The following ATP8A2 variants were observed in gnomAD, a reference collection of about 807,000 sequenced individuals.
The protein encoded by ATP8A2 is ATPase phospholipid transporting 8A2, also known as phospholipid-transporting ATPase IB.
ATP8A2 carries 100 observed loss-of-function variants against 165.6 expected under a neutral mutation model. The ratio of observed to expected loss-of-function variants is 0.60; its 90% confidence interval spans 0.51 to 0.71. The LOEUF is 0.71. ATP8A2 is among the 30% of genes least tolerant of loss of function. ATP8A2 has a pLI of 0.00. For missense variants in ATP8A2, 1,227 were observed against 1,479.5 expected, an observed-to-expected ratio of 0.83 and a Z score of 2.80; for synonymous variants, 543 against 548.8, an observed-to-expected ratio of 0.99 and a Z score of 0.15.
chr13:26,021,536 G>C lies in ATP8A2; in HGVS notation c.*1551G>C, dbSNP rs1009931391. 6.6e-6 allele frequency: 1 copy of C among 152,224 alleles called. No homozygotes were observed. The highest frequency in any genetic ancestry group is 1.5e-5 in the Non-Finnish European group (1 of 68,074). 9.4% of individuals were successfully genotyped at this position (152,224 alleles called of 1,614,324 possible). On this transcript the variant is annotated 3_prime_UTR_variant, in exon 37 of 37. Transcript: ENST00000381655. ...AATCACTGACTTTCCCAACTGCAGA[G>C]TCCCACACTTAAATCTCAACAGAAC...
chr13:25,868,135 G>A (rs1229436023), intron 33 of ATP8A2: 1 of 456,378 alleles, frequency 2.2e-6, no homozygotes, highest in African/African-American at 2.0e-5. Flanking sequence ...AGCTTCCTCA[G>A]CCAAGGAAAT....
At position 25,413,972 on chromosome 13, in the gene ATP8A2, G is replaced by A. The variant is rs548898222; in HGVS notation, c.76+41684G>A. Among the ~76,000 whole-genome samples the A allele has an allele frequency of 1.1e-3, 167 of 151,984 alleles. 1 individual carries two copies. The highest frequency in any genetic ancestry group is 3.9e-3 in the African/African-American group (160 of 41,464). On this transcript the variant is annotated intron_variant, in intron 1 of 36. Coordinates refer to ENST00000381655, the MANE Select transcript of ATP8A2 (RefSeq NM_016529.6). ...CTTTTCCTGCCTTCATGAGGGCAGC[G>A]GAGTGAGCGTGAGGCGTGGTCAGTA... is the stretch of plus-strand genomic sequence containing the variant.
chr13:25,412,688 C>T (rs1306038031), intron 1 of ATP8A2, among the ~76,000 whole-genome samples: 1 of 152,126 alleles, frequency 6.6e-6, no homozygotes, highest in Non-Finnish European at 1.5e-5. Context: ...GAGGTAGGGG[C>T]CTAGGAAATG....
At chr13:25,897,628 GT>G (rs1953599681) in intron 33 of ATP8A2, among the ~76,000 whole-genome samples, 1 of 152,184 alleles carries the variant, frequency 6.6e-6, no homozygotes, top group Admixed American at 6.5e-5. Flanking sequence ...CCTGCAGAGT[GT>G]TTTCCAACTT....
At chr13:25,445,710 A>AT (rs1420190192) in intron 1 of ATP8A2, among the ~76,000 whole-genome samples, 5 of 152,170 alleles carry the variant, frequency 3.3e-5, no homozygotes, top group Non-Finnish European at 7.3e-5. Flanking sequence ...ATTCCTGTAG[A>AT]TGGTGGTAGA....
chr13:25,980,325 T>C (rs984676128), intron 35 of ATP8A2, among the ~76,000 whole-genome samples: 4 of 152,160 alleles, frequency 2.6e-5, no homozygotes, highest in Non-Finnish European at 5.9e-5. Context: ...CTCCTTCAGT[T>C]CACAGTGCTC....
In ATP8A2 at chr13:25,539,393, G is replaced by A. The variant is rs571511095; in HGVS notation, c.582-926G>A. Reference sequence around the variant, plus strand: ...ATCTCAAAGTGCTGGGGTTACAAGCGTGAGCCACAGTGCCCAGCCAGTTTT... The same window carrying A: ...ATCTCAAAGTGCTGGGGTTACAAGCATGAGCCACAGTGCCCAGCCAGTTTT... On this transcript the variant is annotated intron_variant, in intron 7 of 36. Transcript: ENST00000381655. Among the ~76,000 whole-genome samples, 19 of 151,042 alleles carry A rather than the reference G, an allele frequency of 1.3e-4. No homozygotes were observed. The South Asian group carries it at 2.7e-3, about 22-fold the overall frequency.
At chr13:25,805,485 C>T (rs867229064) in intron 27 of ATP8A2, among the ~76,000 whole-genome samples, 34 of 152,014 alleles carry the variant, frequency 2.2e-4, no homozygotes, top group African/African-American at 7.5e-4. Flanking sequence ...CCACTGTACT[C>T]CAGCCTGGGC....
At position 25,581,362 on chromosome 13, in the gene ATP8A2, G is replaced by T. The variant is rs549080957; in HGVS notation, c.2008-457G>T. On this transcript the variant is annotated intron_variant, in intron 22 of 36. Coordinates refer to ENST00000381655, the MANE Select transcript of ATP8A2 (RefSeq NM_016529.6). ...AGCTACCCTCAATCTTAAGATACTT[G>T]GATTTTTTTTCTCTCACTGTTAAAT... Among the ~76,000 whole-genome samples the T allele has an allele frequency of 5.9e-5, 9 of 152,242 alleles. No homozygotes were observed. The South Asian group carries it at 1.5e-3, about 25-fold the overall frequency.
At chr13:25,798,655 A>G (rs1850660612) in intron 27 of ATP8A2, among the ~76,000 whole-genome samples, 1 of 152,222 alleles carries the variant, frequency 6.6e-6, no homozygotes, top group South Asian at 2.1e-4. Context: ...GATGGTTTTT[A>G]GAAAGAAAGA....
chr13:25,974,809 G>A (rs1051031384), intron 35 of ATP8A2, among the ~76,000 whole-genome samples: 3 of 152,074 alleles, frequency 2.0e-5, no homozygotes, highest in Admixed American at 6.6e-5. Flanking sequence ...AGGTCTCGGC[G>A]TCTTCCCAGC....
chr13:25,559,633 C>A, intron 14 of ATP8A2, 88 bp from the exon 15 acceptor site: 2 of 991,262 alleles, frequency 2.0e-6, no homozygotes, highest in Non-Finnish European at 3.2e-6. Flanking sequence ...GTTTGTATAT[C>A]TAATCTAAGA....
intron 1 of ATP8A2, among the ~76,000 whole-genome samples, chr13:25,446,791 C>T (rs1404583168): frequency 1.3e-5 from 2 of 152,154 alleles, no homozygotes; most frequent in African/African-American, 4.8e-5. Context: ...CCCTAAATGT[C>T]ATACAGAAGT....
intron 9 of ATP8A2, 142 bp downstream of exon 9, chr13:25,542,188 C>A: frequency 1.1e-6 from 1 of 943,222 alleles, no homozygotes; most frequent in Non-Finnish European, 1.5e-6. Flanking sequence ...TAAAGCCTTC[C>A]TTAGATTTAA....
chr13:25,456,663 T>A (rs1307810673), intron 1 of ATP8A2, among the ~76,000 whole-genome samples: 1 of 152,196 alleles, frequency 6.6e-6, no homozygotes, highest in Non-Finnish European at 1.5e-5. Flanking sequence ...AAGGAAGCAC[T>A]CCACATTCGA....
At chr13:25,465,783 C>CTCTTTCTCTCTT (rs1566153917) in intron 1 of ATP8A2, among the ~76,000 whole-genome samples, 3 of 93,664 alleles carry the variant, frequency 3.2e-5, no homozygotes, top group African/African-American at 1.9e-4. Context: ...CTCTCTTTCT[C>CTCTTTCTCTCTT]TCTTTCTTTC....
chr13:25,465,711 C>CTTTCTTTCTTTCCTTCT (rs2035631008), intron 1 of ATP8A2, among the ~76,000 whole-genome samples: 3 of 21,380 alleles, frequency 1.4e-4, no homozygotes, highest in Non-Finnish European at 2.1e-4. Context: ...TTCTTTCTTT[C>CTTTCTTTCTTTCCTTCT]TTTCTTTCTT....
chr13:25,436,465 T>C (rs2034779458), intron 1 of ATP8A2, among the ~76,000 whole-genome samples: 1 of 152,252 alleles, frequency 6.6e-6, no homozygotes. Flanking sequence ...GGCTATGTAG[T>C]ATTCCATGGT....
At chr13:25,705,859 C>T (rs2043045562) in intron 25 of ATP8A2, among the ~76,000 whole-genome samples, 1 of 152,188 alleles carries the variant, frequency 6.6e-6, no homozygotes. Context: ...AAAGGTTATA[C>T]ACAGTTTCTA....
Sources: gnomAD v4.1 joint callset for allele counts (sites outside exome capture counted in the v4.1 genomes callset) on GRCh38, gnomAD v4.1.1 for gene constraint, MANE v1.5 for transcripts, NCBI Gene and HGNC (gene_info 2026-07-23, HGNC 2026-07-21) for gene names.